Variants in C8orf34 observed in about 807,000 individuals in gnomAD.
C8orf34 encodes the protein uncharacterized protein C8orf34.
A neutral mutation model predicts 68.3 loss-of-function variants in C8orf34; 65 were observed. The observed-to-expected ratio is 0.95, with a 90% CI of 0.78 to 1.17. C8orf34 has a LOEUF of 1.17. Among genes scored for constraint, C8orf34 ranks in the 50% most tolerant of loss-of-function variants. C8orf34 has a pLI of 0.00. For missense variants in C8orf34, 664 were observed against 655.4 expected (o/e 1.01, Z -0.14); for synonymous variants, 244 against 241.2 (o/e 1.01, Z -0.11).
intron 1 of C8orf34, among the ~76,000 whole-genome samples, chr8:68,341,341 GAT>G (rs1806061368): frequency 6.6e-6 from 1 of 152,150 alleles, no homozygotes; most frequent in Admixed American, 6.5e-5. Context: ...GGAGCATTTG[GAT>G]ATCCATTGGC....
intron 1 of C8orf34, among the ~76,000 whole-genome samples, chr8:68,412,749 G>C (rs1440965955): frequency 1.3e-5 from 2 of 151,986 alleles, no homozygotes; most frequent in African/African-American, 4.8e-5. Context: ...ACCCTCTGTA[G>C]TCTCGCTTTC....
At chr8:68,495,465 T>C (rs1223167099) in intron 5 of C8orf34, among the ~76,000 whole-genome samples, 1 of 152,194 alleles carries the variant, frequency 6.6e-6, no homozygotes, top group Non-Finnish European at 1.5e-5. Context: ...TTTACTAATA[T>C]CTTGGGAAAT....
chr8:68,748,287 A>G (rs1440107016), intron 10 of C8orf34, among the ~76,000 whole-genome samples: 1 of 143,240 alleles, frequency 7.0e-6, no homozygotes, highest in Non-Finnish European at 1.5e-5. Context: ...AAAACCCTAG[A>G]AGAAAACCTA....
At chr8:68,577,536 C>T (rs1035810858) in intron 7 of C8orf34, among the ~76,000 whole-genome samples, 2 of 151,710 alleles carry the variant, frequency 1.3e-5, no homozygotes, top group Non-Finnish European at 2.9e-5. Context: ...TTATTATATG[C>T]ATTATTAAAA....
chr8:68,790,831 T>A (rs753497431), intron 12 of C8orf34: 2 of 701,242 alleles, frequency 2.9e-6, no homozygotes, highest in Non-Finnish European at 5.2e-6. Flanking sequence ...TAAATCAGAA[T>A]CTCTGTGGCT....
chr8:68,771,904 T>A (rs1382494809), intron 10 of C8orf34, among the ~76,000 whole-genome samples: 2 of 152,170 alleles, frequency 1.3e-5, no homozygotes, highest in Admixed American at 1.3e-4. Context: ...CAAGGTAAAC[T>A]TTTTTATAGT....
chr8:68,759,074 A>G (rs556556797), intron 10 of C8orf34, among the ~76,000 whole-genome samples: 7 of 152,172 alleles, frequency 4.6e-5, no homozygotes, highest in Non-Finnish European at 7.3e-5. Flanking sequence ...GTAGACACAT[A>G]CATACATATA....
At chr8:68,436,713 T>C (rs1810684027) in intron 1 of C8orf34, among the ~76,000 whole-genome samples, 1 of 152,154 alleles carries the variant, frequency 6.6e-6, no homozygotes, top group African/African-American at 2.4e-5. Flanking sequence ...AATACTTTTT[T>C]CCTATGGTGA....
intron 8 of C8orf34, among the ~76,000 whole-genome samples, chr8:68,640,821 A>T (rs1818984512): frequency 6.6e-6 from 1 of 152,206 alleles, no homozygotes; most frequent in African/African-American, 2.4e-5. Context: ...ACAGCTCTGA[A>T]CATTCAAAGC....
intron 8 of C8orf34, among the ~76,000 whole-genome samples, chr8:68,673,381 C>T (rs1469010980): frequency 6.6e-6 from 1 of 152,042 alleles, no homozygotes; most frequent in Non-Finnish European, 1.5e-5. Context: ...ATTTCTGGAC[C>T]TGCCTGGGGT....
chr8:68,678,508 T>TA (rs1273226538), intron 8 of C8orf34, among the ~76,000 whole-genome samples: 2 of 152,132 alleles, frequency 1.3e-5, no homozygotes, highest in Admixed American at 6.6e-5. Context: ...CAATTGATGA[T>TA]AAAGAAAGCA....
chr8:68,750,342 G>T (rs1479116647), intron 10 of C8orf34, among the ~76,000 whole-genome samples: 2 of 152,082 alleles, frequency 1.3e-5, no homozygotes, highest in African/African-American at 4.8e-5. Flanking sequence ...AAGTAAAAGA[G>T]GCCAGACATA....
At chr8:68,488,327 C>A (rs937451984) in intron 5 of C8orf34, among the ~76,000 whole-genome samples, 12 of 149,482 alleles carry the variant, frequency 8.0e-5, no homozygotes, top group African/African-American at 2.7e-4. Context: ...AAAATAACTT[C>A]ATAACACTAT....
In C8orf34 at chr8:68,468,698, G is replaced by A; in HGVS notation, c.614G>A (p.Arg205Lys). ...PPSPDSKSLP[R>K]SVEHPKWNWR... Reference sequence around the variant, plus strand: ...CCATTTTTTTTAAACATAGTGCCAAGGTCAGTAGAGCATCCAAAGTGGAAC... The same window carrying A: ...CCATTTTTTTTAAACATAGTGCCAAAGTCAGTAGAGCATCCAAAGTGGAAC... The change falls in exon 4 of 14, where the codon AGG becomes AAG. Residue 205 changes from arginine to lysine, a missense_variant. By Grantham distance (26) the Arg-to-Lys change is conservative. Transcript: ENST00000518698. The A allele has an allele frequency of 1.2e-6, 2 of 1,611,984 alleles. No homozygotes were observed. Among genetic ancestry groups the A allele is most frequent in the Non-Finnish European group, 1.7e-6 (2 of 1,178,930 alleles).
chr8:68,405,840 T>C (rs754664400), intron 1 of C8orf34, among the ~76,000 whole-genome samples: 10 of 152,204 alleles, frequency 6.6e-5, no homozygotes, highest in Non-Finnish European at 1.5e-4. Flanking sequence ...TATTTTCCTT[T>C]ATAATGAAAC....
At chr8:68,613,056 A>T (rs991645295) in intron 7 of C8orf34, among the ~76,000 whole-genome samples, 1 of 152,136 alleles carries the variant, frequency 6.6e-6, no homozygotes, top group African/African-American at 2.4e-5. Context: ...AAGTATGGCT[A>T]TTTTCTCATA....
At chr8:68,737,844 A>T (rs963561859) in intron 10 of C8orf34, among the ~76,000 whole-genome samples, 2 of 152,020 alleles carry the variant, frequency 1.3e-5, no homozygotes, top group Non-Finnish European at 2.9e-5. Context: ...CATTGCACTG[A>T]CAGTTGTAAA....
At chr8:68,734,989 G>T (rs907266203) in intron 10 of C8orf34, among the ~76,000 whole-genome samples, 11 of 152,128 alleles carry the variant, frequency 7.2e-5, no homozygotes, top group African/African-American at 2.7e-4. Flanking sequence ...TGAAATTAAG[G>T]CCTTACTTAC....
chr8:68,614,543 G>C (rs904666998), intron 7 of C8orf34, among the ~76,000 whole-genome samples: 4 of 152,108 alleles, frequency 2.6e-5, no homozygotes, highest in African/African-American at 4.8e-5. Flanking sequence ...TATTAAATAG[G>C]GAATCCTTTC....
Sources: allele counts gnomAD v4.1 joint callset (sites outside exome capture counted in the v4.1 genomes callset), GRCh38; gene constraint gnomAD v4.1.1; transcripts MANE v1.5; gene names NCBI Gene and HGNC (gene_info 2026-07-23, HGNC 2026-07-21).